The following HOMER2 variants were observed in gnomAD, a reference collection of about 807,000 sequenced individuals.
HOMER2 encodes the protein homer scaffold protein 2.
Under a neutral mutation model 47.0 loss-of-function variants are expected in HOMER2, and 27 were observed. The observed-to-expected ratio is 0.57, with a 90% CI of 0.42 to 0.79. The LOEUF (loss-of-function observed/expected upper bound fraction) is 0.79. Ranked by LOEUF, HOMER2 falls within the 30% of genes least tolerant of loss-of-function variation. HOMER2 has a pLI of 0.00. For missense variants in HOMER2, 443 were observed against 435.0 expected (o/e 1.02, Z -0.16); for synonymous variants, 161 against 163.8 (o/e 0.98, Z 0.13).
intron 1 of HOMER2, among the ~76,000 whole-genome samples, chr15:82,945,687 A>C (rs1226316947): frequency 6.6e-6 from 1 of 152,142 alleles, no homozygotes; most frequent in South Asian, 2.1e-4. Context: ...AAAGTGGTAG[A>C]TGGCCGGGCG....
chr15:82,839,895 C>CATGGATGTTT (rs2051159451), exon 2 of HOMER2: 1 of 152,154 alleles, frequency 6.6e-6, no homozygotes, highest in African/African-American at 2.4e-5. Flanking sequence ...CTCAAGAAAA[C>CATGGATGTTT]ATCCATGATC....
intron 1 of HOMER2, among the ~76,000 whole-genome samples, chr15:82,911,633 A>G (rs1567049193): frequency 6.6e-6 from 1 of 152,230 alleles, no homozygotes; most frequent in Non-Finnish European, 1.5e-5. Context: ...CTCTCAGGCT[A>G]ATGGCTATAT....
intron 1 of HOMER2, among the ~76,000 whole-genome samples, chr15:82,934,191 C>T (rs941206425): frequency 1.2e-4 from 19 of 152,294 alleles, no homozygotes; most frequent in East Asian, 9.6e-4. Context: ...ATCATGCAGT[C>T]CCTCTGTGCC....
intron 2 of HOMER2, among the ~76,000 whole-genome samples, chr15:82,875,775 G>A (rs187981802): frequency 6.6e-6 from 1 of 152,346 alleles, no homozygotes; most frequent in African/African-American, 2.4e-5. Context: ...ATTCTTGGAA[G>A]AACTGCACTA....
chr15:82,978,669 G>A (rs963530773), intron 1 of HOMER2, among the ~76,000 whole-genome samples: 1 of 152,098 alleles, frequency 6.6e-6, no homozygotes, highest in Non-Finnish European at 1.5e-5. Flanking sequence ...AATCATGGGG[G>A]TAGTTTCCCC....
In HOMER2 at chr15:82,852,133, A is replaced by G. The variant is rs774619871; in HGVS notation, c.762+9T>C. The G allele has an allele frequency of 6.2e-7, 1 of 1,603,396 alleles. No individual in the cohort carries two copies. The highest frequency in any genetic ancestry group is 8.5e-7 in the Non-Finnish European group (1 of 1,170,406). ...GCCAAGGGGCCCTGCTCGGAGCACC[A>G]TTACTCACTGTCTCCTTTTCTCGGA... On this transcript the variant is annotated intron_variant, in intron 7 of 8. Transcript: ENST00000450735.
chr15:82,938,328 C>T (rs1197382293), intron 1 of HOMER2, among the ~76,000 whole-genome samples: 5 of 152,122 alleles, frequency 3.3e-5, no homozygotes, highest in African/African-American at 9.7e-5. Flanking sequence ...AAGTTGAGAT[C>T]GCGCCACTGC....
At chr15:82,889,242 G>A (rs975935902) in intron 2 of HOMER2, among the ~76,000 whole-genome samples, 1 of 152,210 alleles carries the variant, frequency 6.6e-6, no homozygotes, top group African/African-American at 2.4e-5. Context: ...GGCTGACCCA[G>A]TGTGGTAGAA....
intron 3 of HOMER2, among the ~76,000 whole-genome samples, chr15:82,874,622 C>T (rs183617835): frequency 2.8e-4 from 43 of 152,236 alleles, no homozygotes; most frequent in African/African-American, 9.9e-4. Context: ...AATCCTCTCC[C>T]TAGAAAAAAA....
chr15:82,873,699 C>G (rs1440082291), intron 3 of HOMER2, among the ~76,000 whole-genome samples: 1 of 152,172 alleles, frequency 6.6e-6, no homozygotes, highest in African/African-American at 2.4e-5. Context: ...TGTAAGAGGG[C>G]GGCACAAGGG....
At chr15:82,910,076 T>A (rs2053408342) in intron 1 of HOMER2, among the ~76,000 whole-genome samples, 1 of 124,478 alleles carries the variant, frequency 8.0e-6, no homozygotes, top group Admixed American at 1.2e-4. Context: ...GAAGTTGCAG[T>A]AAGCTGAGAT....
At chr15:82,956,066 C>T (rs1386896859), upstream of HOMER2, among the ~76,000 whole-genome samples, 1 of 151,846 alleles carries the variant, frequency 6.6e-6, no homozygotes, top group African/African-American at 2.4e-5. Context: ...ATGGCAAAAC[C>T]CCATCTTTAC....
At chr15:82,985,835 C>T (rs2030577005) in exon 1 of HOMER2, 1 of 152,562 alleles carries the variant, frequency 6.6e-6, no homozygotes, top group African/African-American at 2.4e-5. Context: ...CTGAAGTCAT[C>T]AGTCGTGTCT....
intron 1 of HOMER2, among the ~76,000 whole-genome samples, chr15:82,940,538 T>G (rs1424407011): frequency 6.6e-6 from 1 of 152,064 alleles, no homozygotes; most frequent in Non-Finnish European, 1.5e-5. Context: ...GGTCAGGAGA[T>G]CGAGACCATC....
exon 2 of HOMER2, chr15:82,843,582 G>C (rs1018606572): frequency 7.2e-6 from 1 of 139,510 alleles, no homozygotes; most frequent in South Asian, 2.3e-4. Context: ...ATGTCTAAAC[G>C]TTTTTAAAAA....
At chr15:82,942,481 G>A (rs557487850) in intron 1 of HOMER2, among the ~76,000 whole-genome samples, 1 of 152,154 alleles carries the variant, frequency 6.6e-6, no homozygotes, top group Non-Finnish European at 1.5e-5. Flanking sequence ...CCATCCATTG[G>A]GCAGTGTTTA....
At chr15:82,927,359 T>C (rs1278900214) in intron 1 of HOMER2, among the ~76,000 whole-genome samples, 1 of 152,118 alleles carries the variant, frequency 6.6e-6, no homozygotes, top group Non-Finnish European at 1.5e-5. Flanking sequence ...TAGCCTACAC[T>C]AGATACTTAA....
exon 2 of HOMER2, chr15:82,843,929 G>A (rs2051204866): frequency 6.6e-6 from 1 of 152,132 alleles, no homozygotes; most frequent in Admixed American, 6.6e-5. Context: ...TAACACCTAA[G>A]GTTTATTTTT....
intron 3 of HOMER2, among the ~76,000 whole-genome samples, chr15:82,867,464 A>T (rs1375358772): frequency 6.6e-6 from 1 of 152,192 alleles, no homozygotes; most frequent in Non-Finnish European, 1.5e-5. Flanking sequence ...TTTCTTTAGT[A>T]TGGCAAGAGT....
Sources: allele counts gnomAD v4.1 joint callset (sites outside exome capture counted in the v4.1 genomes callset), GRCh38; gene constraint gnomAD v4.1.1; transcripts MANE v1.5; gene names NCBI Gene and HGNC (gene_info 2026-07-23, HGNC 2026-07-21).